Variants in WDR91 observed in about 807,000 individuals in gnomAD.
WDR91 encodes the protein WD repeat domain 91.
Under a neutral mutation model 88.4 loss-of-function variants are expected in WDR91, and 52 were observed. The observed-to-expected ratio is 0.59, with a 90% confidence interval of 0.47 to 0.74. WDR91 has a LOEUF of 0.74. Among genes scored for constraint, WDR91 ranks in the 30% least tolerant of loss-of-function variants. WDR91 has a pLI of 0.00. For synonymous variants in WDR91, 362 were observed against 389.5 expected (o/e 0.93, Z 0.83); for missense variants, 824 against 954.5 (o/e 0.86, Z 1.80).
chr7:135,188,270 G>T, intron 13 of WDR91, 163 bp downstream of exon 13: 1 of 575,648 alleles, frequency 1.7e-6, no homozygotes, highest in Non-Finnish European at 3.1e-6. Context: ...CTAAAACCTC[G>T]CAAAGATTGT....
intron 11 of WDR91, among the ~76,000 whole-genome samples, chr7:135,189,720 ATATCT>A (rs1831091048): frequency 6.6e-6 from 1 of 152,230 alleles, no homozygotes; most frequent in Admixed American, 6.5e-5. Flanking sequence ...GAAATAATAC[ATATCT>A]TAGCAACCTA....
chr7:135,208,619 T>C (rs535294486), intron 3 of WDR91, among the ~76,000 whole-genome samples, 172 bp downstream of exon 3: 2 of 152,334 alleles, frequency 1.3e-5, no homozygotes, highest in East Asian at 3.9e-4. Context: ...TATGATTCCC[T>C]GGCTTACTGA....
intron 11 of WDR91, among the ~76,000 whole-genome samples, chr7:135,191,147 T>C (rs940100660): frequency 1.3e-5 from 2 of 152,324 alleles, no homozygotes; most frequent in African/African-American, 4.8e-5. Flanking sequence ...AGCCAGAGGA[T>C]GGACCAAGTC....
chr7:135,205,085 C>T (rs940476932), intron 5 of WDR91, among the ~76,000 whole-genome samples: 1 of 152,190 alleles, frequency 6.6e-6, no homozygotes, highest in Non-Finnish European at 1.5e-5. Flanking sequence ...TCTTCCTCAC[C>T]TGTGTGTACC....
chr7:135,209,952 C>G (rs1344715533), intron 1 of WDR91, 197 bp from the exon 2 acceptor site: 1 of 450,690 alleles, frequency 2.2e-6, no homozygotes, highest in Admixed American at 4.3e-5. Context: ...TGGTTTGACC[C>G]TCTAGCAAGC....
intron 2 of WDR91, 54 bp downstream of exon 2, chr7:135,209,522 G>C (rs182823401): frequency 0.01 from 14,723 of 1,456,624 alleles, 88 homozygotes; most frequent in Non-Finnish European, 0.012. Context: ...ATCTATTTTG[G>C]GATCAAAGAG....
In WDR91 at chr7:135,208,999, C is replaced by G; in HGVS notation, c.304-1G>C. ...CCTGAGCCTTGTCATTTCTGTTTGT[C>G]TGCCAAGACACAAGGAGGTAGCAAG... On this transcript the variant is annotated splice_acceptor_variant, in intron 2 of 14. Transcript: ENST00000354475. LOFTEE classifies it high-confidence loss of function. 6.2e-7 allele frequency: 1 copy of G among 1,613,282 alleles called. No individual in the cohort carries two copies. The highest frequency in any genetic ancestry group is 1.3e-5 in the African/African-American group (1 of 75,046).
In WDR91 at chr7:135,193,403, C is replaced by T. The variant is rs370693913; in HGVS notation, c.1491-4G>A. The stretch of plus-strand genomic sequence containing the variant: ...GCTGCACGCAAGAGACAGGATTCTG[C>T]AACACACATGGGCCTGGGTCAGACC... On this transcript the variant is annotated splice_region_variant and splice_polypyrimidine_tract_variant and intron_variant, in intron 10 of 14. Transcript: ENST00000354475. 6.2e-7 allele frequency: 1 copy of T among 1,613,978 alleles called. No individual in the cohort carries two copies. Among genetic ancestry groups the T allele is most frequent in the Non-Finnish European group, 8.5e-7 (1 of 1,179,938 alleles).
At chr7:135,207,275 A>G in intron 3 of WDR91, 73 bp from the exon 4 acceptor site, 1 of 1,272,054 alleles carries the variant, frequency 7.9e-7, no homozygotes, top group Non-Finnish European at 1.1e-6. Context: ...ACACACCAGT[A>G]AAACACATGA....
At chr7:135,210,861 G>A in intron 1 of WDR91, 1 of 703,604 alleles carries the variant, frequency 1.4e-6, no homozygotes, top group Non-Finnish European at 2.6e-6. Flanking sequence ...TTTAGAGCAG[G>A]GGAAGTTTGG....
At chr7:135,206,114 G>A (rs1831769368) in intron 4 of WDR91, 56 bp from the exon 5 acceptor site, 5 of 1,611,928 alleles carry the variant, frequency 3.1e-6, no homozygotes, top group South Asian at 1.1e-5. Flanking sequence ...TCCCTCTGCG[G>A]AGGAAGATTT....
chr7:135,201,965 C>G (rs1831589836), intron 6 of WDR91: 1 of 152,034 alleles, frequency 6.6e-6, no homozygotes, highest in East Asian at 1.9e-4. Flanking sequence ...GGAAATCATG[C>G]CATAGGGACA....
Position 135,196,163 on chromosome 7 carries a change from A to C in WDR91, c.1225T>G (p.Ser409Ala), listed in dbSNP as rs1160167055. 6.4e-7 allele frequency: 1 copy of C among 1,562,194 alleles called. No homozygotes were observed. Among genetic ancestry groups the C allele is most frequent in the South Asian group, 1.2e-5 (1 of 84,462 alleles). Residue 409 changes from serine (S) to alanine (A), a missense_variant, in exon 8 of 15, where the codon TCA becomes GCA. Transcript: ENST00000354475. The surrounding 1 kb of genome is among the most constrained non-coding windows in gnomAD (Gnocchi z 4.2). Reference protein sequence around the residue: ...LGQEEYGEHHSSIMHCRVDCS... With the variant: ...LGQEEYGEHHASIMHCRVDCS... ...ACCCACCTGCAGTGCATGATGGATG[A>C]GTGGTGTTCCCCGTACTCCTCCTGT...
At chr7:135,210,489 G>C (rs961102565) in intron 1 of WDR91, among the ~76,000 whole-genome samples, 1 of 152,214 alleles carries the variant, frequency 6.6e-6, no homozygotes, top group Admixed American at 6.5e-5. Flanking sequence ...GAGGTGCATG[G>C]ACTGACTCCT....
At chr7:135,209,797 G>T in intron 1 of WDR91, 42 bp from the exon 2 acceptor site, 1 of 1,465,074 alleles carries the variant, frequency 6.8e-7, no homozygotes, top group South Asian at 1.4e-5. Flanking sequence ...AGGGACAGAA[G>T]GGAATTCTCC....
intron 2 of WDR91, among the ~76,000 whole-genome samples, 160 bp from the exon 3 acceptor site, chr7:135,209,158 A>T (rs1831923458): frequency 6.6e-6 from 1 of 152,008 alleles, no homozygotes; most frequent in African/African-American, 2.4e-5. Flanking sequence ...TCTTTTCTCA[A>T]GGAACTTGTC....
At chr7:135,188,575 C>T in intron 12 of WDR91, 30 bp from the exon 13 acceptor site, 1 of 1,579,650 alleles carries the variant, frequency 6.3e-7, no homozygotes, top group Non-Finnish European at 8.7e-7. Flanking sequence ...CCACTCACAT[C>T]CTGGCCAGGG....
Position 135,196,436 on chromosome 7 carries a change from G to C in WDR91, c.1051-99C>G, listed in dbSNP as rs1831377518. ...TAGGCCTAGGCTGCAGCATTTTGCGGGGTTCTCGGTAATTACAGAGTGGAG... is the reference window on the plus strand; with the variant it reads ...TAGGCCTAGGCTGCAGCATTTTGCGCGGTTCTCGGTAATTACAGAGTGGAG... On this transcript the variant is annotated intron_variant, in intron 7 of 14. Coordinates refer to ENST00000354475, the MANE Select transcript of WDR91 (RefSeq NM_014149.4). The surrounding 1 kb of genome is among the most constrained non-coding windows in gnomAD (Gnocchi z 4.2). 1.7e-6 allele frequency: 2 copies of C among 1,205,442 alleles called. No homozygotes were observed. The highest frequency in any genetic ancestry group is 2.2e-6 in the Non-Finnish European group (2 of 895,158). 74.7% of individuals were successfully genotyped at this position (1,205,442 alleles called of 1,614,324 possible). A position where few individuals can be genotyped will look rare whatever the true frequency, so the allele number is the denominator to read the frequency against.
rs1013432318 is a variant in WDR91, at chr7:135,183,941, A to T, written c.*2210T>A. ...TTCAAATTTTCTTTGTGTCTCTGTGATCCTTAAAGCATCTCAGCAAGCTGT... is the reference window on the plus strand; with the variant it reads ...TTCAAATTTTCTTTGTGTCTCTGTGTTCCTTAAAGCATCTCAGCAAGCTGT... On this transcript the variant is annotated 3_prime_UTR_variant, in exon 15 of 15. Coordinates refer to ENST00000354475, the MANE Select transcript of WDR91 (RefSeq NM_014149.4). 3 of 152,138 alleles carry T rather than the reference A, an allele frequency of 2.0e-5. No homozygotes were observed. Among genetic ancestry groups the T allele is most frequent in the African/African-American group, 7.2e-5 (3 of 41,424 alleles). The allele number at this position is 152,138 out of a possible 1,614,324, so 9.4% of individuals were successfully genotyped here. A position where few individuals can be genotyped will look rare whatever the true frequency, so the allele number is the denominator to read the frequency against.
Sources: gnomAD v4.1 joint callset for allele counts (sites outside exome capture counted in the v4.1 genomes callset) on GRCh38, gnomAD v4.1.1 for gene constraint, Gnocchi (gnomAD v3.1) non-coding constraint, MANE v1.5 for transcripts, NCBI Gene and HGNC (gene_info 2026-07-23, HGNC 2026-07-21) for gene names.